ZNF888: variants seen among roughly 807,000 people sequenced by gnomAD.
ZNF888 encodes the protein zinc finger protein 888.
ZNF888 carries 5 observed loss-of-function variants against 7.2 expected under a neutral mutation model. The ratio of observed to expected loss-of-function variants is 0.70; its 90% CI spans 0.36 to 1.46. The LOEUF is 1.46. Ranked by LOEUF, ZNF888 falls within the 40% of genes most tolerant of loss-of-function variation. The probability of loss-of-function intolerance (pLI) is 0.03; values close to 1 mark genes in which losing one functional copy is unlikely to be tolerated. For synonymous variants in ZNF888, 240 were observed against 284.3 expected, an observed-to-expected ratio of 0.84 and a Z score of 1.57; for missense variants, 716 against 858.0, an observed-to-expected ratio of 0.83 and a Z score of 2.07.
Position 52,905,662 on chromosome 19 carries a change from A to T in ZNF888, c.*503T>A, listed in dbSNP as rs895629208. ...TTAATGTCAATTAATGCTTGAACTCAACGTTAAGTCAACTCAAACTCAAGT... is the reference window on the plus strand; with the variant it reads ...TTAATGTCAATTAATGCTTGAACTCTACGTTAAGTCAACTCAAACTCAAGT... On this transcript the variant is annotated 3_prime_UTR_variant, in exon 5 of 5. Transcript: ENST00000638862. The T allele has an allele frequency of 4.9e-6, 2 of 404,912 alleles. No homozygotes were observed. Among genetic ancestry groups the T allele is most frequent in the Non-Finnish European group, 1.0e-5 (2 of 200,382 alleles). The allele number at this position is 404,912 out of a possible 1,614,324, so 25.1% of individuals were successfully genotyped here. A position where few individuals can be genotyped will look rare whatever the true frequency, so the allele number is the denominator to read the frequency against.
At chr19:52,922,253 A>G (rs965025610) in intron 1 of ZNF888, among the ~76,000 whole-genome samples, 2 of 58,674 alleles carry the variant, frequency 3.4e-5, no homozygotes, top group Admixed American at 1.9e-4. Context: ...ATAGATTTCC[A>G]CCTCTTCTCC....
chr19:52,916,615 C>CATATACATATATAT (rs374760326), intron 3 of ZNF888, among the ~76,000 whole-genome samples: 20 of 131,446 alleles, frequency 1.5e-4, no homozygotes, highest in African/African-American at 5.8e-4. Context: ...TATACATATA[C>CATATACATATATAT]ATATATATAT....
chr19:52,918,040 A>T lies in ZNF888; in HGVS notation c.-58-109T>A, dbSNP rs867403710. The T allele has an allele frequency of 9.0e-5, 133 of 1,473,522 alleles. 2 individuals are homozygous for T. In the Middle Eastern group the frequency reaches 4.3e-3, roughly 48 times the overall value. The allele number at this position is 1,473,522 out of a possible 1,614,324, so 91.3% of individuals were successfully genotyped here. ...ATACAAAGGAGACCTCACCCTGGGA[A>T]ATATGGTCCACTCTGCTGCCCACCA... On this transcript the variant is annotated intron_variant, in intron 2 of 4. Coordinates refer to ENST00000638862, the MANE Select transcript of ZNF888 (RefSeq NM_001393938.1).
Position 52,907,922 on chromosome 19 carries a change from G to C in ZNF888, c.400C>G (p.Pro134Ala). Residue 134 changes from proline to alanine, a missense_variant, in exon 5 of 5, where the codon CCT (proline) becomes GCT (alanine). Pro to Ala is a conservative substitution (Grantham distance 27). This residue lies in a region of ZNF888 where 697 missense variants were observed against 803.4 expected (regional missense o/e 0.87). Transcript: ENST00000638862. ...QYDQRHAGNKPIKYQLGSSFH... is the reference protein window; with the variant it reads ...QYDQRHAGNKAIKYQLGSSFH... ...CTTGATCCAAGCTGATATTTAATAG[G>C]CTTGTTTCCAGCATGCCTTTGATCA... 6.2e-7 allele frequency: 1 copy of C among 1,614,138 alleles called. No homozygotes were observed. Among genetic ancestry groups the C allele is most frequent in the South Asian group, 1.1e-5 (1 of 91,074 alleles).
At position 52,919,843 on chromosome 19, in the gene ZNF888, C is replaced by T. The variant is rs1457108749; in HGVS notation, c.-177-906G>A. Among the ~76,000 whole-genome samples, 2 of 59,234 alleles carry T rather than the reference C, an allele frequency of 3.4e-5. 1 individual carries two copies. Among genetic ancestry groups the T allele is most frequent in the African/African-American group, 1.1e-4 (2 of 17,416 alleles). 38.9% of individuals were successfully genotyped at this position (59,234 alleles called of 152,430 possible). On this transcript the variant is annotated intron_variant, in intron 1 of 4. Coordinates refer to ENST00000638862, the MANE Select transcript of ZNF888 (RefSeq NM_001393938.1). ...CTGGGAGGTGAGGAGCGTCTCTGCC[C>T]GGCCGCCCCGTCTGAGAAGTGAGGA...
At chr19:52,918,563 G>A (rs1020444736) in intron 2 of ZNF888, among the ~76,000 whole-genome samples, 14 of 152,146 alleles carry the variant, frequency 9.2e-5, no homozygotes, top group African/African-American at 2.4e-4. Flanking sequence ...TGAGGTCAGC[G>A]TTCAAGACCA....
rs1402144716 is a variant in ZNF888 at position 52,920,716 on chromosome 19, T to C, written c.-177-1779A>G. Among the ~76,000 whole-genome samples, 4 of 63,228 alleles carry C rather than the reference T, an allele frequency of 6.3e-5. 2 individuals are homozygous for C. The highest frequency in any genetic ancestry group is 1.5e-4 in the Non-Finnish European group (4 of 27,344). 41.5% of individuals were successfully genotyped at this position (63,228 alleles called of 152,430 possible). ...CAACCAGAAAATGTTTAAATTTACC[T>C]ATAGCCTGGAGGCCTGCCCACCACC... On this transcript the variant is annotated intron_variant, in intron 1 of 4. Coordinates refer to ENST00000638862, the MANE Select transcript of ZNF888 (RefSeq NM_001393938.1).
chr19:52,907,973 C>T lies in ZNF888; in HGVS notation c.349G>A (p.Glu117Lys). ...GHEAPMTEIK[E>K]LTGSTDQYDQ... ...TATTGGTCTGTACTACCCGTCAACT[C>T]TTTGATTTCTGTCATGGGTGCTTCA... The change falls in exon 5 of 5, where the codon GAG (glutamate) becomes AAG (lysine). Residue 117 changes from glutamate (E) to lysine (K), a missense_variant. Glu to Lys is a moderately conservative substitution (Grantham distance 56, BLOSUM62 1). Coordinates refer to ENST00000638862, the MANE Select transcript of ZNF888 (RefSeq NM_001393938.1). 6.2e-7 allele frequency: 1 copy of T among 1,614,116 alleles called. No individual in the cohort carries two copies. Among genetic ancestry groups the T allele is most frequent in the South Asian group, 1.1e-5 (1 of 91,076 alleles).
Position 52,907,965 on chromosome 19 carries a change from C to T in ZNF888, c.357G>A (p.Thr119=). Residue 119 remains threonine, a synonymous_variant, in exon 5 of 5, where the codon ACG becomes ACA. Transcript: ENST00000638862. ...TTTGATCATATTGGTCTGTACTACC[C>T]GTCAACTCTTTGATTTCTGTCATGG... ...EAPMTEIKEL[T]GSTDQYDQRH... is the part of the protein sequence containing the mutation. 1.1e-5 allele frequency: 18 copies of T among 1,614,074 alleles called. No homozygotes were observed. Among genetic ancestry groups the T allele is most frequent in the South Asian group, 8.8e-5 (8 of 91,074 alleles).
Position 52,906,066 on chromosome 19 carries a change from G to A in ZNF888, c.*99C>T. On this transcript the variant is annotated 3_prime_UTR_variant, in exon 5 of 5. Transcript: ENST00000638862. ...CGTATGAACGATGTCTGAAAAATTTGCCACATTTACTACACTTGTAAGATC... is the reference window on the plus strand; with the variant it reads ...CGTATGAACGATGTCTGAAAAATTTACCACATTTACTACACTTGTAAGATC... The A allele has an allele frequency of 6.4e-7, 1 of 1,565,446 alleles. No individual in the cohort carries two copies. Among genetic ancestry groups the A allele is most frequent in the Non-Finnish European group, 8.8e-7 (1 of 1,137,600 alleles).
At chr19:52,911,987 G>A (rs904300249) in intron 4 of ZNF888, among the ~76,000 whole-genome samples, 1 of 149,450 alleles carries the variant, frequency 6.7e-6, no homozygotes, top group Non-Finnish European at 1.5e-5. Context: ...CTAATTTTTT[G>A]TATTTTTAGT....
At chr19:52,923,067 TCGGGTGAGGA>T (rs2064840934) in intron 1 of ZNF888, among the ~76,000 whole-genome samples, 2 of 152,042 alleles carry the variant, frequency 1.3e-5, no homozygotes, top group South Asian at 4.1e-4. Context: ...GATCCACCTC[TCGGGTGAGGA>T]CTTTAAAAAG....
Position 52,905,614 on chromosome 19 carries a change from C to T in ZNF888, c.*551G>A, listed in dbSNP as rs1201716485. On this transcript the variant is annotated 3_prime_UTR_variant, in exon 5 of 5. Coordinates refer to ENST00000638862, the MANE Select transcript of ZNF888 (RefSeq NM_001393938.1). ...ACAGGTGTGAGCCACCGCACTCAGC[C>T]TAATCCTCTTAACATAAACACTTTA... 5.3e-6 allele frequency: 2 copies of T among 380,912 alleles called. No homozygotes were observed. Among genetic ancestry groups the T allele is most frequent in the South Asian group, 2.1e-5 (1 of 47,446 alleles). 23.6% of individuals were successfully genotyped at this position (380,912 alleles called of 1,614,324 possible).
intron 1 of ZNF888, among the ~76,000 whole-genome samples, chr19:52,922,264 C>T (rs1167287054): frequency 5.5e-5 from 1 of 18,036 alleles, no homozygotes; most frequent in African/African-American, 4.4e-4. Context: ...CCTCTTCTCC[C>T]ATCTCTCCTG....
chr19:52,908,228 A>G (rs763936590), intron 4 of ZNF888, 49 bp from the exon 5 acceptor site: 4 of 1,529,446 alleles, frequency 2.6e-6, no homozygotes, highest in Admixed American at 1.7e-5. Context: ...CAGATAATAT[A>G]TAATACTGAA....
chr19:52,910,835 GCT>G (rs2064669381), intron 4 of ZNF888, among the ~76,000 whole-genome samples: 1 of 152,154 alleles, frequency 6.6e-6, no homozygotes, highest in Admixed American at 6.6e-5. Context: ...ATTGAGTCAT[GCT>G]CTATCACCCA....
chr19:52,909,632 TAATAA>T (rs879494670), intron 4 of ZNF888, among the ~76,000 whole-genome samples: 1 of 152,036 alleles, frequency 6.6e-6, no homozygotes, highest in Admixed American at 6.5e-5. Context: ...TAAAATCAAT[TAATAA>T]AATATATTAT....
rs1179666957 is a variant in ZNF888 at position 52,920,318 on chromosome 19, G to A, written c.-177-1381C>T. 6.4e-5 allele frequency among the ~76,000 whole-genome samples: 4 copies of A among 62,730 alleles called. 2 individuals are homozygous for A. The highest frequency in any genetic ancestry group is 2.1e-4 in the African/African-American group (4 of 19,304). The allele number at this position is 62,730 out of a possible 152,430, so 41.2% of individuals were successfully genotyped here. A position where few individuals can be genotyped will look rare whatever the true frequency, so the allele number is the denominator to read the frequency against. ...GTCTGTGTGGATGGAAGTAGACATG[G>A]GAGACTTTTCATTTTGTTCTGTACT... On this transcript the variant is annotated intron_variant, in intron 1 of 4. Coordinates refer to ENST00000638862, the MANE Select transcript of ZNF888 (RefSeq NM_001393938.1).
chr19:52,914,647 T>G (rs1426339503), intron 4 of ZNF888, among the ~76,000 whole-genome samples: 1 of 152,126 alleles, frequency 6.6e-6, no homozygotes, highest in East Asian at 1.9e-4. Context: ...GAACTGGATA[T>G]CTTTAAACTC....
Sources: gnomAD v4.1 joint callset for allele counts (sites outside exome capture counted in the v4.1 genomes callset) on GRCh38, gnomAD v4.1.1 for gene constraint, gnomAD v4.1.1 regional missense constraint, MANE v1.5 for transcripts, NCBI Gene and HGNC (gene_info 2026-07-23, HGNC 2026-07-21) for gene names.